Variants in XYLB observed in about 807,000 individuals in gnomAD.
XYLB encodes xylulose kinase.
XYLB carries 62 observed loss-of-function variants against 78.7 expected under a neutral mutation model. The ratio of observed to expected loss-of-function variants is 0.79; its 90% CI spans 0.64 to 0.97. The LOEUF is 0.97. Among genes scored for constraint, XYLB ranks in the 50% least tolerant of loss-of-function variants. The pLI is 0.00. For synonymous variants in XYLB, 245 were observed against 247.4 expected (o/e 0.99, Z 0.09); for missense variants, 687 against 676.8 (o/e 1.02, Z -0.17).
chr3:38,353,605 C>T (rs1207662050), intron 2 of XYLB, among the ~76,000 whole-genome samples: 2 of 152,102 alleles, frequency 1.3e-5, no homozygotes, highest in Non-Finnish European at 2.9e-5. Flanking sequence ...ACCACCACAC[C>T]CAGCCTCAAC....
the XYLB span, among the ~76,000 whole-genome samples, chr3:38,434,080 G>A: frequency 2.0e-5 from 3 of 152,204 alleles, no homozygotes; most frequent in Admixed American, 6.5e-5. Flanking sequence ...AGGTGGGGAA[G>A]CCCCTTATAA....
At chr3:38,377,459 A>AT (rs1433863330) in intron 14 of XYLB, among the ~76,000 whole-genome samples, 18 of 130,684 alleles carry the variant, frequency 1.4e-4, no homozygotes, top group Admixed American at 1.4e-3. Context: ...TTTTTTTTTA[A>AT]TTTTTTGAGA....
At chr3:38,432,055 A>C in the XYLB span, among the ~76,000 whole-genome samples, 195 of 152,326 alleles carry the variant, frequency 1.3e-3, no homozygotes, top group African/African-American at 4.4e-3. Flanking sequence ...AAGGGGCCAC[A>C]GTCCCCATGC....
At chr3:38,350,610 T>G (rs1428754918) in intron 2 of XYLB, among the ~76,000 whole-genome samples, 1 of 152,114 alleles carries the variant, frequency 6.6e-6, no homozygotes, top group African/African-American at 2.4e-5. Flanking sequence ...CTGCTTGCTT[T>G]AGGTTTAAAT....
rs548602987 is a variant in XYLB, at chr3:38,409,461, C to A, written c.1534-3475C>A. 3.0e-3 allele frequency among the ~76,000 whole-genome samples: 450 copies of A among 152,264 alleles called. 7 individuals are homozygous for A. Among genetic ancestry groups the A allele is most frequent in the African/African-American group, 0.01 (419 of 41,550 alleles). ...AATGGGCAAAAACTAGAAGCATTCC[C>A]CTTGAAAACTGGCACAAGACAGGGA... On this transcript the variant is annotated intron_variant, in intron 18 of 18. Coordinates refer to ENST00000207870, the MANE Select transcript of XYLB (RefSeq NM_005108.4).
intron 15 of XYLB, among the ~76,000 whole-genome samples, chr3:38,379,935 G>A (rs916943172): frequency 6.6e-6 from 1 of 152,080 alleles, no homozygotes; most frequent in Non-Finnish European, 1.5e-5. Context: ...CAAGGTTGAG[G>A]GGCCATATCT....
the XYLB span, among the ~76,000 whole-genome samples, chr3:38,440,503 C>A: frequency 1.3e-5 from 2 of 152,162 alleles, no homozygotes; most frequent in African/African-American, 4.8e-5. Context: ...TTGGAGGAAC[C>A]ATCTATCATC....
chr3:38,378,918 A>C, intron 14 of XYLB, among the ~76,000 whole-genome samples: 1 of 151,458 alleles, frequency 6.6e-6, no homozygotes, highest in South Asian at 2.1e-4. Context: ...TTTGTTAAGA[A>C]AAAGAATGAT....
intron 1 of XYLB, among the ~76,000 whole-genome samples, chr3:38,347,238 G>A (rs1705115368): frequency 6.6e-6 from 1 of 152,236 alleles, no homozygotes; most frequent in Admixed American, 6.5e-5. Flanking sequence ...AGGACTCGGC[G>A]GGTTCCTGCG....
chr3:38,368,861 C>T (rs1450034498), intron 8 of XYLB, among the ~76,000 whole-genome samples: 1 of 151,396 alleles, frequency 6.6e-6, no homozygotes, highest in East Asian at 1.9e-4. Flanking sequence ...AGGGGACGAT[C>T]ATGGAGCCTG....
intron 15 of XYLB, among the ~76,000 whole-genome samples, chr3:38,389,238 T>C (rs1342208181): frequency 6.8e-6 from 1 of 146,338 alleles, no homozygotes. Flanking sequence ...ACAGCACATG[T>C]TTCAGAGAGC....
chr3:38,429,834 G>T, the XYLB span, among the ~76,000 whole-genome samples: 1,055 of 152,196 alleles, frequency 6.9e-3, 8 homozygotes, highest in African/African-American at 0.024. Flanking sequence ...GAGATAGTTT[G>T]CTCAGAATGA....
At chr3:38,435,891 A>G in the XYLB span, among the ~76,000 whole-genome samples, 16 of 152,198 alleles carry the variant, frequency 1.1e-4, no homozygotes, top group Non-Finnish European at 1.2e-4. Flanking sequence ...AAAATTCTTT[A>G]AGGAAATGAA....
chr3:38,419,603 T>TATATATATATATATATATATATATATAAA (rs71085322), downstream of XYLB, among the ~76,000 whole-genome samples: 1 of 80,888 alleles, frequency 1.2e-5, no homozygotes, highest in African/African-American at 3.3e-5. Flanking sequence ...TATATATATA[T>TATATATATATATATATATATATATATAAA]AATAGCCATC....
intron 14 of XYLB, among the ~76,000 whole-genome samples, chr3:38,378,670 A>G (rs181679960): frequency 5.0e-4 from 76 of 151,938 alleles, no homozygotes; most frequent in Non-Finnish European, 8.7e-4. Context: ...GTTAGAGTGT[A>G]GCTGTTTATG....
intron 2 of XYLB, among the ~76,000 whole-genome samples, chr3:38,352,089 A>G (rs1403323725): frequency 2.0e-5 from 3 of 152,262 alleles, no homozygotes; most frequent in African/African-American, 7.2e-5. Context: ...TTCTTAAGGA[A>G]TTCTCTTCCA....
rs771384694 is a variant in XYLB at position 38,376,952 on chromosome 3, A to C, written c.1155A>C (p.Glu385Asp). 31 of 1,614,070 alleles carry C rather than the reference A, an allele frequency of 1.9e-5. No homozygotes were observed. Among genetic ancestry groups the C allele is most frequent in the Middle Eastern group, 3.3e-4 (2 of 6,062 alleles). The change falls in exon 14 of 19, where the codon GAA (glutamate) becomes GAC (aspartate). Residue 385 changes from glutamate to aspartate, a missense_variant. By Grantham distance (45) the Glu-to-Asp change is conservative. Coordinates refer to ENST00000207870, the MANE Select transcript of XYLB (RefSeq NM_005108.4). ...FYFDVMEITP[E>D]IIGRHRFNTE... ...TTGATGTAATGGAGATCACCCCTGA[A>C]ATTATTGGACGTCATAGGTTTAACA...
At chr3:38,374,580 T>C in intron 11 of XYLB, 78 bp downstream of exon 11, 2 of 1,590,306 alleles carry the variant, frequency 1.3e-6, no homozygotes, top group Non-Finnish European at 1.7e-6. Context: ...GCAGAGGTGC[T>C]GCTGAGACCC....
At chr3:38,434,637 G>T in the XYLB span, among the ~76,000 whole-genome samples, 11 of 152,080 alleles carry the variant, frequency 7.2e-5, no homozygotes, top group African/African-American at 2.7e-4. Flanking sequence ...AAAATTCACT[G>T]GTAAAGCAAT....
Sources: gnomAD v4.1 joint callset for allele counts (sites outside exome capture counted in the v4.1 genomes callset) on GRCh38, gnomAD v4.1.1 for gene constraint, MANE v1.5 for transcripts, NCBI Gene and HGNC (gene_info 2026-07-23, HGNC 2026-07-21) for gene names.